Variants in GLI2 observed in about 807,000 individuals in gnomAD.
The protein encoded by GLI2 is transcription activator GLI2.
A neutral mutation model predicts 78.9 loss-of-function variants in GLI2; 22 were observed. The observed-to-expected ratio is 0.28, with a 90% CI of 0.20 to 0.40. The LOEUF (loss-of-function observed/expected upper bound fraction) is 0.40, where lower values mean the gene tolerates loss of function less well. GLI2 is among the 10% of genes least tolerant of loss of function. GLI2 has a pLI of 1.00. For missense variants in GLI2, 2,097 were observed against 2,213.2 expected (o/e 0.95, Z 1.05); for synonymous variants, 974 against 963.7 (o/e 1.01, Z -0.20).
chr2:120,962,842 C>T lies in GLI2; in HGVS notation c.644-5872C>T, dbSNP rs7598358. 4.9e-3 allele frequency among the ~76,000 whole-genome samples: 752 copies of T among 152,242 alleles called. 4 individuals carry two copies. The highest frequency in any genetic ancestry group is 0.016 in the African/African-American group (667 of 41,528). On this transcript the variant is annotated intron_variant, in intron 5 of 13. Transcript: ENST00000361492. ...GAGAGGGTGGGAATCCAAATATTAG[C>T]GGCAGATTCTTTTTTAAAAAATGTG...
Position 120,902,798 on chromosome 2 carries a change from A to G in GLI2, c.149-24563A>G, listed in dbSNP as rs116578498. ...TCACCCTCAGCAATCTACAGCATGC[A>G]TGCATTTCAAAGGAAATGCTTAATT... On this transcript the variant is annotated intron_variant, in intron 2 of 13. Transcript: ENST00000361492. Among the ~76,000 whole-genome samples, 966 of 152,324 alleles carry G rather than the reference A, an allele frequency of 6.3e-3. 6 individuals are homozygous for G. The highest frequency in any genetic ancestry group is 0.021 in the African/African-American group (884 of 41,564).
At position 120,932,035 on chromosome 2, in the gene GLI2, C is replaced by T. The variant is rs145297481; in HGVS notation, c.254+4569C>T. On this transcript the variant is annotated intron_variant, in intron 3 of 13. Coordinates refer to ENST00000361492, the MANE Select transcript of GLI2 (RefSeq NM_001374353.1). Reference sequence around the variant, plus strand: ...GGGCTCTGGAAAGCCCATGCCCTCACCTCTTCCGCCCCCAGTGTCCCAGGT... The same window carrying T: ...GGGCTCTGGAAAGCCCATGCCCTCATCTCTTCCGCCCCCAGTGTCCCAGGT... Among the ~76,000 whole-genome samples, 1,021 of 152,298 alleles carry T rather than the reference C, an allele frequency of 6.7e-3. 10 individuals carry two copies. The highest frequency in any genetic ancestry group is 0.024 in the African/African-American group (988 of 41,548).
chr2:120,953,277 G>A (rs1681082937), intron 4 of GLI2, among the ~76,000 whole-genome samples: 1 of 152,154 alleles, frequency 6.6e-6, no homozygotes, highest in South Asian at 2.1e-4. Context: ...AGAGGAGAAG[G>A]CTATGTGAAG....
intron 5 of GLI2, among the ~76,000 whole-genome samples, chr2:120,965,310 G>A (rs1327351123): frequency 1.4e-5 from 2 of 146,128 alleles, no homozygotes; most frequent in Admixed American, 6.9e-5. Context: ...GTAACAGAGG[G>A]GCATACACCA....
intron 2 of GLI2, among the ~76,000 whole-genome samples, chr2:120,860,958 C>T (rs530548909): frequency 6.6e-6 from 1 of 152,188 alleles, no homozygotes; most frequent in Non-Finnish European, 1.5e-5. Flanking sequence ...GGCCAGCACA[C>T]AGGAGTGTGC....
chr2:120,920,398 T>G (rs112890623), intron 2 of GLI2, among the ~76,000 whole-genome samples: 2,261 of 152,360 alleles, frequency 0.015, 60 homozygotes, highest in African/African-American at 0.052. Flanking sequence ...GTCTGAACTC[T>G]GCAGACCCCT....
intron 12 of GLI2, among the ~76,000 whole-genome samples, chr2:120,985,152 TG>T (rs1190238788): frequency 6.6e-6 from 1 of 152,206 alleles, no homozygotes; most frequent in African/African-American, 2.4e-5. Context: ...ACCTGTTCTT[TG>T]TCTCCATCTC....
intron 2 of GLI2, among the ~76,000 whole-genome samples, chr2:120,811,539 A>G (rs10864863): frequency 0.99 from 150,897 of 152,294 alleles, 74,763 homozygotes; most frequent in Middle Eastern, 1. Flanking sequence ...AGGCTCAACG[A>G]GGGGTGGATG....
At chr2:120,805,001 T>C (rs1684876597) in intron 2 of GLI2, among the ~76,000 whole-genome samples, 1 of 152,164 alleles carries the variant, frequency 6.6e-6, no homozygotes, top group South Asian at 2.1e-4. Flanking sequence ...ATGGTAGTGG[T>C]CACTACTTCT....
At chr2:120,983,611 A>C (rs1434170691) in intron 11 of GLI2, among the ~76,000 whole-genome samples, 1 of 152,196 alleles carries the variant, frequency 6.6e-6, no homozygotes, top group Non-Finnish European at 1.5e-5. Flanking sequence ...CAGATGGGGC[A>C]CAGAGCAGCC....
chr2:120,876,779 G>A (rs895181685), intron 2 of GLI2, among the ~76,000 whole-genome samples: 1 of 152,126 alleles, frequency 6.6e-6, no homozygotes, highest in African/African-American at 2.4e-5. Context: ...CCATGTCAGG[G>A]TCAGGCACGT....
At chr2:120,957,554 G>A (rs1239131680) in intron 5 of GLI2, among the ~76,000 whole-genome samples, 1 of 152,238 alleles carries the variant, frequency 6.6e-6, no homozygotes, top group Admixed American at 6.5e-5. Flanking sequence ...CTGCAAGCAG[G>A]ACCCTTCTTC....
chr2:120,964,653 T>G (rs1286977969), intron 5 of GLI2, among the ~76,000 whole-genome samples: 1 of 152,222 alleles, frequency 6.6e-6, no homozygotes, highest in African/African-American at 2.4e-5. Context: ...TAGGAAGAGC[T>G]GGTCCAGGCA....
intron 2 of GLI2, among the ~76,000 whole-genome samples, chr2:120,905,850 T>TGGG (rs1376442128): frequency 1.3e-5 from 2 of 150,624 alleles, no homozygotes; most frequent in African/African-American, 2.5e-5. Flanking sequence ...AGGGGCTGAT[T>TGGG]GGGGGAGGGC....
At chr2:120,874,339 G>A (rs1558848311) in intron 2 of GLI2, among the ~76,000 whole-genome samples, 1 of 152,170 alleles carries the variant, frequency 6.6e-6, no homozygotes, top group Non-Finnish European at 1.5e-5. Flanking sequence ...TAGCAAGAGG[G>A]AAAAAAGTTA....
chr2:120,914,091 T>C (rs1201562725), intron 2 of GLI2, among the ~76,000 whole-genome samples: 2 of 152,222 alleles, frequency 1.3e-5, no homozygotes, highest in Non-Finnish European at 2.9e-5. Context: ...GACAGAGGAA[T>C]GGCATGGTCA....
intron 3 of GLI2, among the ~76,000 whole-genome samples, chr2:120,930,882 C>G (rs149996312): frequency 5.4e-4 from 82 of 152,336 alleles, no homozygotes; most frequent in African/African-American, 1.8e-3. Context: ...TGCTCCAGCT[C>G]TGGGTAGGGC....
intron 2 of GLI2, among the ~76,000 whole-genome samples, chr2:120,879,626 C>T (rs1677010630): frequency 6.6e-6 from 1 of 152,204 alleles, no homozygotes; most frequent in Non-Finnish European, 1.5e-5. Flanking sequence ...TGGCCACCTG[C>T]CTGCCTCTGG....
At chr2:120,773,832 G>A (rs1413047808) in intron 1 of GLI2, among the ~76,000 whole-genome samples, 1 of 152,042 alleles carries the variant, frequency 6.6e-6, no homozygotes, top group Non-Finnish European at 1.5e-5. Context: ...CTCATTAGGA[G>A]CTTGCTGGGT....
Sources: allele counts gnomAD v4.1 joint callset (sites outside exome capture counted in the v4.1 genomes callset), GRCh38; gene constraint gnomAD v4.1.1; transcripts MANE v1.5; gene names NCBI Gene and HGNC (gene_info 2026-07-23, HGNC 2026-07-21).